Variants in CEP55 observed in about 807,000 individuals in gnomAD.
The protein encoded by CEP55 is centrosomal protein of 55 kDa.
CEP55 carries 57 observed loss-of-function variants against 63.2 expected under a neutral mutation model. The ratio of observed to expected loss-of-function variants is 0.90; its 90% CI spans 0.73 to 1.13. CEP55 has a LOEUF of 1.13. Among genes scored for constraint, CEP55 ranks in the 50% most tolerant of loss-of-function variants. The pLI is 0.00. For missense variants in CEP55, 456 were observed against 518.9 expected (o/e 0.88, Z 1.18); for synonymous variants, 178 against 191.6 (o/e 0.93, Z 0.59).
intron 4 of CEP55, among the ~76,000 whole-genome samples, chr10:93,509,799 GA>G (rs1339167887): frequency 6.6e-6 from 1 of 152,276 alleles, no homozygotes; most frequent in East Asian, 1.9e-4. Context: ...ACTTATATTT[GA>G]GGAGCAAGAA....
intron 8 of CEP55, among the ~76,000 whole-genome samples, chr10:93,522,692 G>T (rs1259540313): frequency 1.3e-5 from 2 of 152,164 alleles, no homozygotes; most frequent in Non-Finnish European, 2.9e-5. Flanking sequence ...AGAGAGAAAG[G>T]TCGGGTTACC....
chr10:93,504,884 A>G (rs1297270642), intron 3 of CEP55, among the ~76,000 whole-genome samples: 1 of 152,106 alleles, frequency 6.6e-6, no homozygotes, highest in African/African-American at 2.4e-5. Flanking sequence ...GCGCAATCTC[A>G]GCTCACTGCA....
At chr10:93,527,509 T>G (rs1030158037) in intron 8 of CEP55, among the ~76,000 whole-genome samples, 1 of 152,190 alleles carries the variant, frequency 6.6e-6, no homozygotes, top group African/African-American at 2.4e-5. Context: ...ACTGATGAGC[T>G]GAAATTCAAA....
chr10:93,519,657 T>A, intron 7 of CEP55, 25 bp from the exon 8 acceptor site: 1 of 1,612,794 alleles, frequency 6.2e-7, no homozygotes, highest in Non-Finnish European at 8.5e-7. Context: ...TCAGCTGTAA[T>A]GGTCTTGTTC....
chr10:93,516,904 G>A, intron 5 of CEP55, 31 bp from the exon 6 acceptor site: 1 of 1,390,050 alleles, frequency 7.2e-7, no homozygotes. Flanking sequence ...ATTTTATAAA[G>A]TGAGTTGTGC....
At chr10:93,501,030 C>T (rs1431747853) in intron 2 of CEP55, among the ~76,000 whole-genome samples, 2 of 152,034 alleles carry the variant, frequency 1.3e-5, no homozygotes, top group African/African-American at 4.8e-5. Context: ...AATATTTACC[C>T]AATAGTTATA....
At chr10:93,500,003 A>T in intron 1 of CEP55, 37 bp from the exon 2 acceptor site, 1 of 1,408,488 alleles carries the variant, frequency 7.1e-7, no homozygotes, top group Non-Finnish European at 9.7e-7. Flanking sequence ...TTAAATTTTT[A>T]AACTCAGAAT....
intron 2 of CEP55, among the ~76,000 whole-genome samples, chr10:93,501,105 A>AAT (rs2057631148): frequency 6.6e-6 from 1 of 152,186 alleles, no homozygotes; most frequent in African/African-American, 2.4e-5. Flanking sequence ...CAGAGTATTA[A>AAT]ATAGTGTTCA....
intron 4 of CEP55, among the ~76,000 whole-genome samples, chr10:93,514,017 T>C (rs370452808): frequency 6.7e-5 from 10 of 149,590 alleles, no homozygotes; most frequent in African/African-American, 2.4e-4. Flanking sequence ...CAATCTTGGC[T>C]CACTGCAACC....
intron 2 of CEP55, among the ~76,000 whole-genome samples, chr10:93,500,470 G>A (rs1278306698): frequency 6.6e-6 from 1 of 152,138 alleles, no homozygotes; most frequent in Non-Finnish European, 1.5e-5. Context: ...TATGTGTTTT[G>A]AGGTTACCAG....
intron 2 of CEP55, 133 bp from the exon 3 acceptor site, chr10:93,502,980 C>T: frequency 1.2e-6 from 1 of 832,990 alleles, no homozygotes; most frequent in South Asian, 1.9e-5. Context: ...GCTTCCTAAT[C>T]TTTTTTGGCC....
rs2057838857 is a variant in CEP55 at position 93,519,726 on chromosome 10, T to A, written c.1110T>A (p.Arg370=). 1 of 1,614,124 alleles carries A rather than the reference T, an allele frequency of 6.2e-7. No homozygotes were observed. The highest frequency in any genetic ancestry group is 8.5e-7 in the Non-Finnish European group (1 of 1,179,992). The part of the protein sequence containing the change: ...TLDFENEKLD[R]QHVQHQLHVI... ...ACTTTGAAAATGAAAAACTCGACCGTCAACATGTGCAGCATCAATTGCATG... is the reference window on the plus strand; with the variant it reads ...ACTTTGAAAATGAAAAACTCGACCGACAACATGTGCAGCATCAATTGCATG... The change falls in exon 8 of 9, where the codon CGT becomes CGA. Residue 370 remains arginine (R), a synonymous_variant. Coordinates refer to ENST00000371485, the MANE Select transcript of CEP55 (RefSeq NM_018131.5).
At chr10:93,498,500 G>A (rs1416829471) in intron 1 of CEP55, among the ~76,000 whole-genome samples, 1 of 152,166 alleles carries the variant, frequency 6.6e-6, no homozygotes, top group Non-Finnish European at 1.5e-5. Flanking sequence ...TTTAACTGAT[G>A]GATGAGCTAC....
intron 4 of CEP55, among the ~76,000 whole-genome samples, chr10:93,508,559 T>C (rs1222447877): frequency 1.3e-5 from 2 of 152,256 alleles, no homozygotes; most frequent in East Asian, 3.8e-4. Context: ...TCCATACCTA[T>C]GCATTAGATG....
intron 8 of CEP55, among the ~76,000 whole-genome samples, chr10:93,522,373 G>T (rs924518759): frequency 1.3e-5 from 2 of 152,200 alleles, no homozygotes; most frequent in Non-Finnish European, 1.5e-5. Flanking sequence ...GAAGTGAGAA[G>T]AGAAGTTTTG....
Position 93,524,938 on chromosome 10 carries a change from C to T in CEP55, c.1192-3012C>T, listed in dbSNP as rs1216473529. 2.5e-3 allele frequency among the ~76,000 whole-genome samples: 376 copies of T among 152,062 alleles called. 4 individuals carry two copies. The highest frequency in any genetic ancestry group is 8.9e-3 in the African/African-American group (368 of 41,456). On this transcript the variant is annotated intron_variant, in intron 8 of 8. Coordinates refer to ENST00000371485, the MANE Select transcript of CEP55 (RefSeq NM_018131.5). ...TAAATTAGGTATTGATGGGACATAT[C>T]TCAAAATAATAAGAGCTATTTATGA...
chr10:93,505,601 A>C (rs1427784617), intron 3 of CEP55, among the ~76,000 whole-genome samples: 1 of 152,250 alleles, frequency 6.6e-6, no homozygotes, highest in Non-Finnish European at 1.5e-5. Context: ...AGAGAGAGAA[A>C]GGGCTACATA....
At chr10:93,510,978 G>A (rs964402762) in intron 4 of CEP55, among the ~76,000 whole-genome samples, 9 of 135,818 alleles carry the variant, frequency 6.6e-5, no homozygotes, top group African/African-American at 1.7e-4. Flanking sequence ...TCACTCTGTC[G>A]CCGAGGCTGT....
chr10:93,524,724 CA>C (rs1403766140), intron 8 of CEP55, among the ~76,000 whole-genome samples: 6 of 152,186 alleles, frequency 3.9e-5, no homozygotes, highest in Admixed American at 6.5e-5. Context: ...AGCAACACAT[CA>C]AAAAGCTTAT....
Sources: gnomAD v4.1 joint callset for allele counts (sites outside exome capture counted in the v4.1 genomes callset) on GRCh38, gnomAD v4.1.1 for gene constraint, MANE v1.5 for transcripts, NCBI Gene and HGNC (gene_info 2026-07-23, HGNC 2026-07-21) for gene names.